Variants in PPP2R2C observed in about 807,000 individuals in gnomAD.
The protein encoded by PPP2R2C is protein phosphatase 2 regulatory subunit Bgamma, also known as protein phosphatase 2, regulatory subunit B, gamma.
Under a neutral mutation model 45.3 loss-of-function variants are expected in PPP2R2C, and 10 were observed. The ratio of observed to expected loss-of-function variants is 0.22; its 90% CI spans 0.14 to 0.37. The LOEUF is 0.37. Ranked by LOEUF, PPP2R2C falls within the 10% of genes least tolerant of loss-of-function variation. PPP2R2C has a pLI of 1.00. For synonymous variants in PPP2R2C, 257 were observed against 245.4 expected, an observed-to-expected ratio of 1.05 and a Z score of -0.44; for missense variants, 308 against 619.7, an observed-to-expected ratio of 0.50 and a Z score of 5.34.
intron 6 of PPP2R2C, among the ~76,000 whole-genome samples, chr4:6,339,976 TC>T (rs1246252553): frequency 6.6e-6 from 1 of 152,188 alleles, no homozygotes; most frequent in African/African-American, 2.4e-5. Context: ...GCTCCTGGGT[TC>T]CAGGTGATGC....
At chr4:6,479,445 G>A (rs1722275287) in intron 2 of PPP2R2C, among the ~76,000 whole-genome samples, 1 of 119,532 alleles carries the variant, frequency 8.4e-6, no homozygotes, top group Admixed American at 1.2e-4. Flanking sequence ...CCATGCCTCT[G>A]GACGGAGAGA....
chr4:6,459,481 A>C (rs1721212581), intron 1 of PPP2R2C, among the ~76,000 whole-genome samples: 1 of 152,230 alleles, frequency 6.6e-6, no homozygotes, highest in Non-Finnish European at 1.5e-5. Flanking sequence ...TAACCACATA[A>C]AATCAATGCT....
intron 1 of PPP2R2C, chr4:6,381,549 G>A (rs1577130384): frequency 7.1e-7 from 1 of 1,409,530 alleles, no homozygotes. Flanking sequence ...CCCTCTGCTA[G>A]GGGCCCACTC....
At chr4:6,502,295 G>A (rs1049605825) in intron 2 of PPP2R2C, among the ~76,000 whole-genome samples, 4 of 152,116 alleles carry the variant, frequency 2.6e-5, no homozygotes, top group East Asian at 1.9e-4. Context: ...TCCATATGCC[G>A]GGGAAATCCT....
At chr4:6,490,882 C>T (rs998035092) in intron 2 of PPP2R2C, among the ~76,000 whole-genome samples, 1 of 152,206 alleles carries the variant, frequency 6.6e-6, no homozygotes, top group Non-Finnish European at 1.5e-5. Context: ...TAGTGTCTCC[C>T]TTTCACAGAT....
intron 1 of PPP2R2C, among the ~76,000 whole-genome samples, chr4:6,547,827 CT>C (rs1396431725): frequency 4.6e-5 from 7 of 152,212 alleles, no homozygotes; most frequent in African/African-American, 1.7e-4. Context: ...GATCACACAC[CT>C]ACATGTGAAG....
rs76664475 is a variant in PPP2R2C, at chr4:6,382,096, A to C, written c.71-1002T>G. Reference sequence around the variant, plus strand: ...TTACTGCAGCCCCAAAATGATTATTACTTTTAATTTGAAGTCATTCTTAAT... The same window carrying C: ...TTACTGCAGCCCCAAAATGATTATTCCTTTTAATTTGAAGTCATTCTTAAT... On this transcript the variant is annotated intron_variant, in intron 1 of 8. Coordinates refer to ENST00000382599, the MANE Select transcript of PPP2R2C (RefSeq NM_020416.4). The C allele has an allele frequency of 1.0e-3, 1,387 of 1,346,152 alleles. 15 individuals are homozygous for C. In the African/African-American group the frequency reaches 0.018, roughly 18 times the overall value. 83.4% of individuals were successfully genotyped at this position (1,346,152 alleles called of 1,614,324 possible).
chr4:6,461,045 C>T (rs1015155513), intron 1 of PPP2R2C, among the ~76,000 whole-genome samples: 1 of 152,160 alleles, frequency 6.6e-6, no homozygotes, highest in Non-Finnish European at 1.5e-5. Flanking sequence ...AGCCTTTACC[C>T]CTGCTGCAGC....
chr4:6,388,511 G>A (rs563512978), intron 1 of PPP2R2C, among the ~76,000 whole-genome samples: 1 of 152,280 alleles, frequency 6.6e-6, no homozygotes, highest in East Asian at 1.9e-4. Flanking sequence ...TCTAAGGACT[G>A]GTATCCTGAT....
In PPP2R2C at chr4:6,323,009, A is replaced by C. The variant is rs547424895; in HGVS notation, c.*293T>G. ...CCGAGACAGGAAGGGACGTGAATGA[A>C]AGAACCCTGAACTGTAAGACTCCAC... On this transcript the variant is annotated 3_prime_UTR_variant, in exon 9 of 9. Transcript: ENST00000382599. 3.5e-6 allele frequency: 1 copy of C among 288,878 alleles called. No homozygotes were observed. The highest frequency in any genetic ancestry group is 2.2e-5 in the African/African-American group (1 of 46,494). 17.9% of individuals were successfully genotyped at this position (288,878 alleles called of 1,614,324 possible). A position where few individuals can be genotyped will look rare whatever the true frequency, so the allele number is the denominator to read the frequency against.
chr4:6,423,295 C>T (rs1010395927), intron 1 of PPP2R2C, among the ~76,000 whole-genome samples: 8 of 152,220 alleles, frequency 5.3e-5, no homozygotes, highest in African/African-American at 1.9e-4. Flanking sequence ...CCTCTGCCTC[C>T]CGGATTCAAG....
intron 1 of PPP2R2C, among the ~76,000 whole-genome samples, chr4:6,539,218 G>A (rs1172819287): frequency 6.6e-6 from 1 of 152,112 alleles, no homozygotes; most frequent in Non-Finnish European, 1.5e-5. Context: ...TGAGGATGGA[G>A]GTGGAGGTTG....
chr4:6,364,888 A>G lies in PPP2R2C; in HGVS notation c.625+7635T>C, dbSNP rs1350438612. 2.6e-5 allele frequency among the ~76,000 whole-genome samples: 4 copies of G among 152,184 alleles called. No homozygotes were observed. Among genetic ancestry groups the G allele is most frequent in the African/African-American group, 7.2e-5 (3 of 41,448 alleles). On this transcript the variant is annotated intron_variant, in intron 5 of 8. Coordinates refer to ENST00000382599, the MANE Select transcript of PPP2R2C (RefSeq NM_020416.4). The surrounding 1 kb of genome is among the most constrained non-coding windows in gnomAD (Gnocchi z 5.3). ...CTGGGTGCATTTGGACGATGGGATC[A>G]CAGGACTCATCGAGGCTTGAGCAAG... is the stretch of plus-strand genomic sequence containing the variant.
At chr4:6,424,827 A>G (rs2109398993) in intron 1 of PPP2R2C, among the ~76,000 whole-genome samples, 1 of 152,164 alleles carries the variant, frequency 6.6e-6, no homozygotes, top group African/African-American at 2.4e-5. Context: ...CTCAGAGTCT[A>G]TTTCTTGGAG....
chr4:6,361,156 G>C (rs1343311276), intron 5 of PPP2R2C, among the ~76,000 whole-genome samples: 1 of 152,088 alleles, frequency 6.6e-6, no homozygotes, highest in African/African-American at 2.4e-5. Context: ...TCTCCACTCG[G>C]AACACCTTAA....
Position 6,554,979 on chromosome 4 carries a change from A to AGAGAAGAGAAGAGAAGAG in PPP2R2C, c.-59+8580_-59+8581insCTCTTCTCTTCTCTTCTC, listed in dbSNP as rs1560620534. Among the ~76,000 whole-genome samples the AGAGAAGAGAAGAGAAGAG allele has an allele frequency of 9.6e-5, 12 of 125,542 alleles. No individual in the cohort carries two copies. In the East Asian group the frequency reaches 1.2e-3, roughly 12 times the overall value. 82.4% of individuals were successfully genotyped at this position (125,542 alleles called of 152,430 possible). ...AGAAAGAAAGAAAGAGAAAGAAAGA[A>AGAGAAGAGAAGAGAAGAG]AAGAGAAGAGAAGAGAAGAGAAAAG... On this transcript the variant is annotated intron_variant, in intron 1 of 9. Coordinates refer to the PPP2R2C transcript ENST00000506140.
intron 1 of PPP2R2C, among the ~76,000 whole-genome samples, chr4:6,545,284 T>C (rs774793161): frequency 1.3e-5 from 2 of 152,168 alleles, no homozygotes; most frequent in Non-Finnish European, 2.9e-5. Context: ...ACTGAAATCG[T>C]GTTATAATTT....
intron 1 of PPP2R2C, among the ~76,000 whole-genome samples, chr4:6,410,175 C>T (rs914129025): frequency 5.9e-5 from 9 of 152,328 alleles, no homozygotes; most frequent in African/African-American, 1.7e-4. Flanking sequence ...ACAGCCTCAG[C>T]GAGCTGATGA....
intron 1 of PPP2R2C, among the ~76,000 whole-genome samples, chr4:6,466,887 G>A (rs943238387): frequency 3.3e-5 from 5 of 152,184 alleles, no homozygotes; most frequent in Admixed American, 3.3e-4. Context: ...AAAAAGAAAG[G>A]AGCACATTGC....
Sources: allele counts gnomAD v4.1 joint callset (sites outside exome capture counted in the v4.1 genomes callset), GRCh38; gene constraint gnomAD v4.1.1; non-coding constraint Gnocchi (gnomAD v3.1); transcripts MANE v1.5; gene names NCBI Gene and HGNC (gene_info 2026-07-23, HGNC 2026-07-21).